Variants in SENP7 observed in about 807,000 individuals in gnomAD.
SENP7 encodes SUMO specific peptidase 7, also known as sentrin-specific protease 7.
A neutral mutation model predicts 141.2 loss-of-function variants in SENP7; 64 were observed. That is an observed-to-expected ratio of 0.45 (90% CI 0.37 to 0.56). The LOEUF is 0.56. SENP7 is among the 20% of genes least tolerant of loss of function. The pLI is 0.00. For synonymous variants in SENP7, 382 were observed against 426.4 expected (o/e 0.90, Z 1.28); for missense variants, 1,025 against 1,212.2 (o/e 0.85, Z 2.29).
At chr3:101,499,387 G>A (rs2108145200) in intron 2 of SENP7, among the ~76,000 whole-genome samples, 1 of 152,136 alleles carries the variant, frequency 6.6e-6, no homozygotes, top group African/African-American at 2.4e-5. Context: ...GGGGCAGCGG[G>A]GGACAGAGTC....
chr3:101,348,770 G>T (rs1303105542), intron 12 of SENP7, among the ~76,000 whole-genome samples: 1 of 151,152 alleles, frequency 6.6e-6, no homozygotes, highest in Non-Finnish European at 1.5e-5. Context: ...CTCCTCTGAG[G>T]ACTTTTACTC....
chr3:101,454,164 T>C (rs1040478588), intron 4 of SENP7, among the ~76,000 whole-genome samples: 1 of 152,206 alleles, frequency 6.6e-6, no homozygotes, highest in Admixed American at 6.5e-5. Flanking sequence ...ACAATATTAA[T>C]GCATGACACA....
chr3:101,486,251 A>G (rs1220624657), intron 3 of SENP7, among the ~76,000 whole-genome samples: 2 of 152,228 alleles, frequency 1.3e-5, no homozygotes, highest in Non-Finnish European at 2.9e-5. Context: ...CACAAGAAGT[A>G]CAAAGAACAC....
intron 1 of SENP7, among the ~76,000 whole-genome samples, chr3:101,505,609 T>C (rs2065569632): frequency 1.3e-5 from 2 of 152,176 alleles, no homozygotes; most frequent in African/African-American, 2.4e-5. Flanking sequence ...CTCTGGAGTG[T>C]TTAAATAAGC....
chr3:101,489,688 T>A (rs1349970776), intron 3 of SENP7, among the ~76,000 whole-genome samples: 1 of 152,200 alleles, frequency 6.6e-6, no homozygotes, highest in East Asian at 1.9e-4. Context: ...AAGACTTAGT[T>A]AGGCAACCAC....
chr3:101,384,487 C>A (rs2060595659), intron 6 of SENP7, among the ~76,000 whole-genome samples: 2 of 152,238 alleles, frequency 1.3e-5, no homozygotes, highest in African/African-American at 2.4e-5. Context: ...TGGGCACCAC[C>A]TCAATCCCCA....
rs557867785 is a variant in SENP7 at position 101,458,367 on chromosome 3, T to C, written c.284+588A>G. On this transcript the variant is annotated intron_variant, in intron 4 of 23. Coordinates refer to ENST00000394095, the MANE Select transcript of SENP7 (RefSeq NM_020654.5). ...ATGTTAAAAAGAAAATTCAATACTC[T>C]TTTTAAAATAACTTTCTAATAATTG... 2.6e-5 allele frequency among the ~76,000 whole-genome samples: 4 copies of C among 152,352 alleles called. No individual in the cohort carries two copies. The East Asian group carries it at 7.7e-4, about 29-fold the overall frequency.
rs2058968683 is a variant in SENP7 at position 101,328,696 on chromosome 3, TA to T, written c.2752-8del. 6.2e-7 allele frequency: 1 copy of T among 1,600,210 alleles called. No individual in the cohort carries two copies. Among genetic ancestry groups the T allele is most frequent in the African/African-American group, 1.3e-5 (1 of 74,564 alleles). On this transcript the variant is annotated splice_polypyrimidine_tract_variant and splice_region_variant and intron_variant, in intron 20 of 23. Coordinates refer to ENST00000394095, the MANE Select transcript of SENP7 (RefSeq NM_020654.5). ...ACATATTCGACTCGGTACTCTGAAA[TA>T]ACATAAATTTTTATGACTGCAATTA...
At chr3:101,383,138 T>C (rs1045408716) in intron 6 of SENP7, among the ~76,000 whole-genome samples, 2 of 152,192 alleles carry the variant, frequency 1.3e-5, no homozygotes, top group South Asian at 2.1e-4. Flanking sequence ...GTTTAGGTCA[T>C]GGGAGCAGAT....
In SENP7 at chr3:101,493,988, ATAAT is replaced by A. The variant is rs780281953; in HGVS notation, c.91-24_91-21del. The A allele has an allele frequency of 8.1e-6, 12 of 1,476,144 alleles. No homozygotes were observed. The East Asian group carries it at 1.1e-4, about 14-fold the overall frequency. The allele number at this position is 1,476,144 out of a possible 1,614,324, so 91.4% of individuals were successfully genotyped here. On this transcript the variant is annotated intron_variant, in intron 2 of 23. Transcript: ENST00000394095. ...TCTTATCTGAAAATAGGATGAGAAA[ATAAT>A]TAGTTTAATTGAACTATATACAAGA...
At chr3:101,387,276 G>A (rs1344162515) in intron 6 of SENP7, among the ~76,000 whole-genome samples, 6 of 152,042 alleles carry the variant, frequency 3.9e-5, no homozygotes, top group African/African-American at 1.2e-4. Context: ...ACCAGTACCA[G>A]CACATACCAT....
intron 4 of SENP7, chr3:101,457,288 C>A (rs893927659): frequency 1.6e-5 from 24 of 1,540,976 alleles, no homozygotes; most frequent in Non-Finnish European, 2.0e-5. Context: ...TCCACAAGAT[C>A]AGGAACTTCA....
intron 4 of SENP7, among the ~76,000 whole-genome samples, chr3:101,421,858 A>T (rs1291280761): frequency 1.3e-5 from 2 of 152,230 alleles, no homozygotes; most frequent in Non-Finnish European, 2.9e-5. Context: ...CATTCAAACC[A>T]GGCAAAATAA....
At chr3:101,493,366 T>G (rs2065035686) in intron 3 of SENP7, among the ~76,000 whole-genome samples, 2 of 152,086 alleles carry the variant, frequency 1.3e-5, no homozygotes. Context: ...GGAACAAACC[T>G]GCACTTGTAC....
intron 5 of SENP7, among the ~76,000 whole-genome samples, chr3:101,404,912 A>AGTCT (rs972105244): frequency 1.3e-5 from 2 of 152,212 alleles, no homozygotes; most frequent in Non-Finnish European, 2.9e-5. Flanking sequence ...ACACAGGGAG[A>AGTCT]AGACAGCCAT....
intron 12 of SENP7, among the ~76,000 whole-genome samples, chr3:101,350,154 T>C (rs1351614966): frequency 6.6e-6 from 1 of 152,108 alleles, no homozygotes; most frequent in Non-Finnish European, 1.5e-5. Flanking sequence ...AGGATGCAAG[T>C]CATACGTCAG....
At chr3:101,365,407 G>A (rs967551701) in intron 9 of SENP7, among the ~76,000 whole-genome samples, 19 of 151,662 alleles carry the variant, frequency 1.3e-4, no homozygotes, top group Non-Finnish European at 2.4e-4. Flanking sequence ...AGGCTGAGGT[G>A]GGTAGATTCC....
chr3:101,478,346 C>A (rs72944107), intron 3 of SENP7, among the ~76,000 whole-genome samples: 1 of 151,818 alleles, frequency 6.6e-6, no homozygotes, highest in East Asian at 1.9e-4. Flanking sequence ...AGCAAGACCC[C>A]ACCTCTACCA....
chr3:101,451,777 GAAGC>G (rs1451099124), intron 4 of SENP7, among the ~76,000 whole-genome samples: 3 of 152,170 alleles, frequency 2.0e-5, no homozygotes. Flanking sequence ...GCAAAAACTG[GAAGC>G]ATTCCCTTTG....
Sources: gnomAD v4.1 joint callset for allele counts (sites outside exome capture counted in the v4.1 genomes callset) on GRCh38, gnomAD v4.1.1 for gene constraint, MANE v1.5 for transcripts, NCBI Gene and HGNC (gene_info 2026-07-23, HGNC 2026-07-21) for gene names.